The following RBFOX1 variants were observed in gnomAD, a reference collection of about 807,000 sequenced individuals.
RBFOX1 encodes RNA binding fox-1 homolog 1.
In RBFOX1, 8 loss-of-function variants were observed where a neutral mutation model predicts 57.7. The observed-to-expected ratio is 0.14, with a 90% CI of 0.08 to 0.25. RBFOX1 has a LOEUF of 0.25. Among genes scored for constraint, RBFOX1 ranks in the 10% least tolerant of loss-of-function variants. The pLI, the probability that RBFOX1 is intolerant of heterozygous loss-of-function variation, is 1.00. For synonymous variants in RBFOX1, 326 were observed against 222.4 expected, an observed-to-expected ratio of 1.47 and a Z score of -4.15; for missense variants, 611 against 548.5, an observed-to-expected ratio of 1.11 and a Z score of -1.14.
At chr16:5,486,648 C>A (rs979070850) in intron 2 of RBFOX1, among the ~76,000 whole-genome samples, 7 of 152,138 alleles carry the variant, frequency 4.6e-5, no homozygotes, top group Admixed American at 4.6e-4. Flanking sequence ...CTTGACTTGT[C>A]CATCAGGTCT....
chr16:6,321,281 T>C (rs1451613981), intron 2 of RBFOX1, among the ~76,000 whole-genome samples: 4 of 152,170 alleles, frequency 2.6e-5, no homozygotes, highest in Non-Finnish European at 5.9e-5. Flanking sequence ...GCTTGTAACC[T>C]GATACTGTAT....
chr16:6,460,972 G>T (rs550147068), intron 2 of RBFOX1, among the ~76,000 whole-genome samples: 115 of 152,110 alleles, frequency 7.6e-4, no homozygotes, highest in Non-Finnish European at 1.5e-3. Context: ...GATGAAACTG[G>T]AAGCCATTAC....
intron 2 of RBFOX1, among the ~76,000 whole-genome samples, chr16:6,521,355 C>T (rs142660301): frequency 1.3e-5 from 2 of 152,034 alleles, no homozygotes; most frequent in East Asian, 3.9e-4. Context: ...TTGCATTTCT[C>T]CTCCTCATTT....
In RBFOX1 at chr16:6,863,227, T is replaced by C. The variant is rs188776137; in HGVS notation, c.-15-188830T>C. Reference sequence around the variant, plus strand: ...TAGAGAAGGACATGGCACAAAACATTCCAACCTAAAGGCAAGACCCTCAAG... The same window carrying C: ...TAGAGAAGGACATGGCACAAAACATCCCAACCTAAAGGCAAGACCCTCAAG... On this transcript the variant is annotated intron_variant, in intron 3 of 15. Coordinates refer to ENST00000550418, the MANE Select transcript of RBFOX1 (RefSeq NM_018723.4). 1.4e-4 allele frequency among the ~76,000 whole-genome samples: 21 copies of C among 152,112 alleles called. No homozygotes were observed. The East Asian group carries it at 3.3e-3, about 24-fold the overall frequency.
rs150136046 is a variant in RBFOX1, at chr16:6,513,379, A to G, written c.-63-141224A>G. ...TAGCATTCCTTATGGCCTCATATCT[A>G]CACATCAAACTTTTCAGGGGAAGAG... On this transcript the variant is annotated intron_variant, in intron 2 of 15. Coordinates refer to ENST00000550418, the MANE Select transcript of RBFOX1 (RefSeq NM_018723.4). 6.8e-4 allele frequency among the ~76,000 whole-genome samples: 103 copies of G among 152,220 alleles called. No homozygotes were observed. In the East Asian group the frequency reaches 0.013, roughly 19 times the overall value.
chr16:7,264,698 C>G (rs1192702630), intron 4 of RBFOX1, among the ~76,000 whole-genome samples: 2 of 152,016 alleles, frequency 1.3e-5, no homozygotes, highest in African/African-American at 2.4e-5. Flanking sequence ...TTGGATTTTT[C>G]TCAACTTTTT....
intron 5 of RBFOX1, among the ~76,000 whole-genome samples, chr16:7,557,156 G>A (rs992903030): frequency 3.9e-5 from 6 of 152,116 alleles, no homozygotes; most frequent in African/African-American, 1.4e-4. Flanking sequence ...TGGAGGTGAA[G>A]TAATTTGCCT....
intron 4 of RBFOX1, among the ~76,000 whole-genome samples, chr16:7,120,830 T>TACACACACACACACACACACAC (rs397836603): frequency 1.2e-5 from 1 of 86,542 alleles, no homozygotes; most frequent in Non-Finnish European, 2.6e-5. Flanking sequence ...TATGTATATA[T>TACACACACACACACACACACAC]ACACACACAC....
At chr16:7,172,570 A>T (rs1333630840) in intron 4 of RBFOX1, among the ~76,000 whole-genome samples, 2 of 152,200 alleles carry the variant, frequency 1.3e-5, no homozygotes, top group East Asian at 3.9e-4. Context: ...AAATGTAATT[A>T]GCATTCCTGT....
chr16:7,119,476 T>C (rs190512661), intron 4 of RBFOX1, among the ~76,000 whole-genome samples: 1 of 152,090 alleles, frequency 6.6e-6, no homozygotes, highest in African/African-American at 2.4e-5. Context: ...CAAAAATCCA[T>C]GGGGGGAGTT....
At chr16:7,018,900 C>A (rs1404549188) in intron 3 of RBFOX1, among the ~76,000 whole-genome samples, 1 of 152,134 alleles carries the variant, frequency 6.6e-6, no homozygotes, top group Non-Finnish European at 1.5e-5. Context: ...GGGAGGATCT[C>A]TTGAGCTCAG....
At chr16:7,437,370 C>T (rs1311707030) in intron 4 of RBFOX1, among the ~76,000 whole-genome samples, 1 of 151,774 alleles carries the variant, frequency 6.6e-6, no homozygotes, top group Non-Finnish European at 1.5e-5. Context: ...ACTCCTACTT[C>T]CATCGCACAG....
chr16:5,546,903 C>G (rs4354940), intron 2 of RBFOX1, among the ~76,000 whole-genome samples: 47,329 of 152,002 alleles, frequency 0.31, 8,745 homozygotes, highest in East Asian at 0.85. Flanking sequence ...ACTCTCAAAA[C>G]TCGATAATAA....
intron 3 of RBFOX1, among the ~76,000 whole-genome samples, chr16:6,674,112 T>G (rs565056950): frequency 6.6e-6 from 1 of 152,290 alleles, no homozygotes; most frequent in African/African-American, 2.4e-5. Flanking sequence ...TCAAATTGGC[T>G]TAAGCTAAGA....
intron 4 of RBFOX1, among the ~76,000 whole-genome samples, chr16:7,206,215 G>A (rs2089934307): frequency 6.6e-6 from 1 of 152,112 alleles, no homozygotes; most frequent in Non-Finnish European, 1.5e-5. Flanking sequence ...GACCCAGTAG[G>A]TAAAGTGGAT....
At chr16:5,607,802 C>CT (rs1159171703) in intron 3 of RBFOX1, among the ~76,000 whole-genome samples, 2 of 152,164 alleles carry the variant, frequency 1.3e-5, no homozygotes, top group Non-Finnish European at 2.9e-5. Flanking sequence ...CCATATGTAT[C>CT]TGCCTTCTTT....
chr16:5,915,251 TTC>T (rs1205638855), intron 4 of RBFOX1, among the ~76,000 whole-genome samples: 2 of 152,214 alleles, frequency 1.3e-5, no homozygotes, highest in East Asian at 3.9e-4. Context: ...CTAATTTGAC[TTC>T]TGTCTTTGCT....
At chr16:6,949,089 T>C (rs1416339613) in intron 3 of RBFOX1, among the ~76,000 whole-genome samples, 1 of 152,240 alleles carries the variant, frequency 6.6e-6, no homozygotes, top group African/African-American at 2.4e-5. Flanking sequence ...AAGGTTTCTT[T>C]ATCCTCTGAA....
At chr16:5,663,481 A>G (rs997584129) in intron 3 of RBFOX1, among the ~76,000 whole-genome samples, 1 of 152,110 alleles carries the variant, frequency 6.6e-6, no homozygotes, top group African/African-American at 2.4e-5. Context: ...CTGGTATTAA[A>G]TGCATGAGCT....
Sources: gnomAD v4.1 joint callset for allele counts (sites outside exome capture counted in the v4.1 genomes callset) on GRCh38, gnomAD v4.1.1 for gene constraint, MANE v1.5 for transcripts, NCBI Gene and HGNC (gene_info 2026-07-23, HGNC 2026-07-21) for gene names.